Variants in LDLRAD4 observed in about 807,000 individuals in gnomAD.
The protein encoded by LDLRAD4 is low-density lipoprotein receptor class A domain-containing protein 4.
A neutral mutation model predicts 17.0 loss-of-function variants in LDLRAD4; 5 were observed. That is an observed-to-expected ratio of 0.29 (90% CI 0.15 to 0.62). The LOEUF is 0.62. Ranked by LOEUF, LDLRAD4 falls within the 20% of genes least tolerant of loss-of-function variation. The pLI, the probability that LDLRAD4 is intolerant of heterozygous loss-of-function variation, is 0.84. For missense variants in LDLRAD4, 340 were observed against 424.7 expected, an observed-to-expected ratio of 0.80 and a Z score of 1.75; for synonymous variants, 168 against 171.8, an observed-to-expected ratio of 0.98 and a Z score of 0.17.
At chr18:13,524,644 A>T (rs193068186) in intron 3 of LDLRAD4, among the ~76,000 whole-genome samples, 26 of 152,334 alleles carry the variant, frequency 1.7e-4, no homozygotes, top group Admixed American at 1.5e-3. Flanking sequence ...AGCTCACTAA[A>T]CATCACTTTC....
At chr18:13,310,006 G>A (rs1488576881) in intron 1 of LDLRAD4, among the ~76,000 whole-genome samples, 2 of 152,096 alleles carry the variant, frequency 1.3e-5, no homozygotes, top group Non-Finnish European at 2.9e-5. Context: ...GACAGTGTTG[G>A]GAATCTGCAG....
At chr18:13,364,634 AC>A (rs1431656636) in intron 1 of LDLRAD4, among the ~76,000 whole-genome samples, 1 of 152,094 alleles carries the variant, frequency 6.6e-6, no homozygotes, top group African/African-American at 2.4e-5. Context: ...GAGCTGCCAC[AC>A]CCAGCTCTAT....
intron 1 of LDLRAD4, among the ~76,000 whole-genome samples, chr18:13,332,326 C>A (rs2081904654): frequency 6.6e-6 from 1 of 152,160 alleles, no homozygotes. Context: ...TACCTCTCAC[C>A]TTTGCATAAC....
intron 2 of LDLRAD4, among the ~76,000 whole-genome samples, chr18:13,435,788 A>C (rs1018873352): frequency 6.6e-6 from 1 of 152,222 alleles, no homozygotes; most frequent in African/African-American, 2.4e-5. Flanking sequence ...CCGTTATCTA[A>C]GAAGTAAGAG....
intron 3 of LDLRAD4, among the ~76,000 whole-genome samples, chr18:13,541,190 G>T (rs1184342025): frequency 1.3e-5 from 2 of 152,216 alleles, no homozygotes; most frequent in African/African-American, 4.8e-5. Context: ...GCAACAAAAT[G>T]TAAAATGTGC....
chr18:13,620,188 C>T (rs1033778336), intron 3 of LDLRAD4, among the ~76,000 whole-genome samples: 1 of 152,188 alleles, frequency 6.6e-6, no homozygotes, highest in African/African-American at 2.4e-5. Flanking sequence ...TCCCCACTGG[C>T]CGGGGCCTGA....
chr18:13,488,192 CT>C (rs2093277089), intron 3 of LDLRAD4: 1 of 152,604 alleles, frequency 6.6e-6, no homozygotes, highest in Non-Finnish European at 1.5e-5. Context: ...CTTGTCATCG[CT>C]TCTGTGTTGG....
At chr18:13,399,983 A>G (rs1419685637) in intron 2 of LDLRAD4, among the ~76,000 whole-genome samples, 1 of 152,162 alleles carries the variant, frequency 6.6e-6, no homozygotes, top group Non-Finnish European at 1.5e-5. Flanking sequence ...TTAAACAAAC[A>G]TGTCGCTGAG....
At chr18:13,250,279 A>G (rs2043167682) in intron 1 of LDLRAD4, among the ~76,000 whole-genome samples, 1 of 152,090 alleles carries the variant, frequency 6.6e-6, no homozygotes, top group Non-Finnish European at 1.5e-5. Context: ...CTTTTTGCTC[A>G]GGATTGCTTT....
chr18:13,355,120 G>A (rs1422874196), intron 1 of LDLRAD4, among the ~76,000 whole-genome samples: 1 of 152,260 alleles, frequency 6.6e-6, no homozygotes, highest in Non-Finnish European at 1.5e-5. Flanking sequence ...GCCTGGTACA[G>A]CATTGCAGAG....
chr18:13,503,152 A>G (rs2093639164), intron 3 of LDLRAD4, among the ~76,000 whole-genome samples: 1 of 152,222 alleles, frequency 6.6e-6, no homozygotes, highest in South Asian at 2.1e-4. Flanking sequence ...TGTACAACTG[A>G]AAGTGGAGAT....
intron 3 of LDLRAD4, among the ~76,000 whole-genome samples, chr18:13,618,151 A>C (rs1195764381): frequency 6.6e-6 from 1 of 152,264 alleles, no homozygotes; most frequent in Non-Finnish European, 1.5e-5. Context: ...AGGCCAGTGC[A>C]CGTGTGTTCT....
At chr18:13,438,126 T>A in intron 2 of LDLRAD4, 118 bp from the exon 4 acceptor site, 1 of 906,506 alleles carries the variant, frequency 1.1e-6, no homozygotes, top group South Asian at 1.5e-5. Flanking sequence ...CTCCAGATAG[T>A]CTGAGCTCCC....
chr18:13,625,883 C>T (rs1336754743), intron 4 of LDLRAD4, among the ~76,000 whole-genome samples: 6 of 147,302 alleles, frequency 4.1e-5, no homozygotes, highest in Non-Finnish European at 9.0e-5. Flanking sequence ...CTCCCCTCTA[C>T]CAGCATCCTC....
chr18:13,312,099 T>C (rs2047271783), intron 1 of LDLRAD4, among the ~76,000 whole-genome samples: 1 of 152,144 alleles, frequency 6.6e-6, no homozygotes, highest in Admixed American at 6.5e-5. Context: ...CCTCCCAAAG[T>C]GCTAGGATTA....
intron 2 of LDLRAD4, among the ~76,000 whole-genome samples, chr18:13,413,471 C>G (rs564181534): frequency 6.6e-6 from 1 of 152,238 alleles, no homozygotes; most frequent in African/African-American, 2.4e-5. Context: ...TCCGTTTAAC[C>G]TCATCTCATA....
intron 5 of LDLRAD4, 52 bp downstream of exon 6, chr18:13,643,464 G>GGGGGGGGGGGGGGGGGGGGGCC: frequency 3.5e-6 from 1 of 288,994 alleles, no homozygotes. Flanking sequence ...GGTGGGTGGG[G>GGGGGGGGGGGGGGGGGGGGGCC]ATGAAGGGGG....
intron 1 of LDLRAD4, among the ~76,000 whole-genome samples, chr18:13,365,472 A>G (rs1323867684): frequency 6.6e-6 from 1 of 152,220 alleles, no homozygotes; most frequent in Non-Finnish European, 1.5e-5. Flanking sequence ...AATCCGTTAT[A>G]AAGAACGTTT....
chr18:13,571,781 C>T (rs922639787), intron 3 of LDLRAD4, among the ~76,000 whole-genome samples: 19 of 152,070 alleles, frequency 1.2e-4, no homozygotes, highest in South Asian at 4.2e-4. Context: ...GGACTACAGG[C>T]GCCCGCCACT....
Sources: gnomAD v4.1 joint callset for allele counts (sites outside exome capture counted in the v4.1 genomes callset) on GRCh38, gnomAD v4.1.1 for gene constraint, MANE v1.5 for transcripts, NCBI Gene and HGNC (gene_info 2026-07-23, HGNC 2026-07-21) for gene names.